The following FAF1 variants were observed in gnomAD, a reference collection of about 807,000 sequenced individuals.
FAF1 encodes Fas associated factor 1, also known as FAS-associated factor 1.
In FAF1, 25 loss-of-function variants were observed where a neutral mutation model predicts 92.5. The ratio of observed to expected loss-of-function variants is 0.27; its 90% CI spans 0.20 to 0.38. The LOEUF (loss-of-function observed/expected upper bound fraction) is 0.38, where lower values mean the gene tolerates loss of function less well. FAF1 is among the 10% of genes least tolerant of loss of function. FAF1 has a pLI of 1.00. For missense variants in FAF1, 636 were observed against 793.3 expected (o/e 0.80, Z 2.38); for synonymous variants, 234 against 273.2 (o/e 0.86, Z 1.42).
At chr1:50,829,928 T>G (rs1644137140) in intron 2 of FAF1, among the ~76,000 whole-genome samples, 1 of 152,218 alleles carries the variant, frequency 6.6e-6, no homozygotes, top group Admixed American at 6.5e-5. Context: ...AATAATGGTT[T>G]GGTAATTAGA....
intron 1 of FAF1, among the ~76,000 whole-genome samples, chr1:50,876,769 A>T (rs957391442): frequency 1.3e-5 from 2 of 152,108 alleles, no homozygotes; most frequent in African/African-American, 4.8e-5. Flanking sequence ...TTTTTAGTAG[A>T]GATGGGGTTT....
At chr1:50,872,077 A>G (rs560745908) in intron 1 of FAF1, among the ~76,000 whole-genome samples, 72 of 152,018 alleles carry the variant, frequency 4.7e-4, no homozygotes, top group African/African-American at 1.6e-3. Flanking sequence ...AAAAAAAAAA[A>G]AAAAAGAAAA....
intron 8 of FAF1, among the ~76,000 whole-genome samples, chr1:50,615,575 G>A (rs11205742): frequency 0.072 from 10,936 of 152,198 alleles, 429 homozygotes; most frequent in African/African-American, 0.1. Flanking sequence ...TTTGTCTGGT[G>A]TGAGATGGTA....
At chr1:50,782,874 C>T (rs954827811) in intron 4 of FAF1, among the ~76,000 whole-genome samples, 1 of 151,870 alleles carries the variant, frequency 6.6e-6, no homozygotes, top group Admixed American at 6.5e-5. Flanking sequence ...TTGAGAGCAA[C>T]TTCCAGTACT....
chr1:50,801,823 A>G, intron 2 of FAF1, 146 bp from the exon 3 acceptor site: 2 of 557,144 alleles, frequency 3.6e-6, no homozygotes, highest in South Asian at 5.2e-5. Flanking sequence ...AATGTTGTCT[A>G]TTAAATGTTT....
rs144699454 is a variant in FAF1 at position 50,959,621 on chromosome 1, C to CCA, written c.45+144_45+145dup. 619 of 506,518 alleles carry CCA rather than the reference C, an allele frequency of 1.2e-3. 1 individual carries two copies. Among genetic ancestry groups the CCA allele is most frequent in the Middle Eastern group, 8.2e-3 (26 of 3,158 alleles). The allele number at this position is 506,518 out of a possible 1,614,324, so 31.4% of individuals were successfully genotyped here. A position where few individuals can be genotyped will look rare whatever the true frequency, so the allele number is the denominator to read the frequency against. ...AAATTATACGCTTCTCCATAGCTCGCCACACACACACACACACGCCACGCA... is the reference window on the plus strand; with the variant it reads ...AAATTATACGCTTCTCCATAGCTCGCCACACACACACACACACACGCCACGCA... On this transcript the variant is annotated intron_variant, in intron 1 of 18. Coordinates refer to ENST00000396153, the MANE Select transcript of FAF1 (RefSeq NM_007051.3).
intron 1 of FAF1, among the ~76,000 whole-genome samples, chr1:50,871,138 T>G (rs1206337557): frequency 2.6e-5 from 4 of 152,226 alleles, no homozygotes; most frequent in Non-Finnish European, 5.9e-5. Context: ...GGACCAAACT[T>G]GCTTACATTC....
At chr1:50,769,760 C>G (rs1038254182) in intron 4 of FAF1, among the ~76,000 whole-genome samples, 2 of 152,064 alleles carry the variant, frequency 1.3e-5, no homozygotes, top group African/African-American at 2.4e-5. Context: ...ACGTTAAAAA[C>G]CCTCAACAGG....
chr1:50,663,184 G>GA (rs1028507336), intron 7 of FAF1, among the ~76,000 whole-genome samples: 13 of 150,954 alleles, frequency 8.6e-5, no homozygotes, highest in Admixed American at 3.3e-4. Context: ...GATTATAACT[G>GA]AAAAAAAAGG....
At chr1:50,736,488 G>A (rs1342419201) in intron 6 of FAF1, among the ~76,000 whole-genome samples, 3 of 152,148 alleles carry the variant, frequency 2.0e-5, no homozygotes, top group East Asian at 1.9e-4. Context: ...AGTGGCTCAC[G>A]CCTGTAATCC....
At chr1:50,576,710 A>G (rs1558001629) in intron 12 of FAF1, among the ~76,000 whole-genome samples, 1 of 150,070 alleles carries the variant, frequency 6.7e-6, no homozygotes, top group Non-Finnish European at 1.5e-5. Flanking sequence ...TGGCACAAAC[A>G]TGGCTCACTG....
chr1:50,855,326 TTTATTAGATTTTTTTTAAG>T (rs1236193257), intron 2 of FAF1, among the ~76,000 whole-genome samples: 1 of 151,740 alleles, frequency 6.6e-6, no homozygotes, highest in Non-Finnish European at 1.5e-5. Flanking sequence ...AATGTGTTTT[TTTATTAGATTTTTTTTAAG>T]TTCATCACAA....
intron 7 of FAF1, among the ~76,000 whole-genome samples, chr1:50,685,977 C>T (rs1656639781): frequency 6.6e-6 from 1 of 152,170 alleles, no homozygotes; most frequent in Non-Finnish European, 1.5e-5. Context: ...TCCTAACAGG[C>T]TAATTAATAT....
intron 7 of FAF1, among the ~76,000 whole-genome samples, chr1:50,700,022 T>A (rs1338497424): frequency 3.3e-5 from 5 of 152,082 alleles, no homozygotes; most frequent in Non-Finnish European, 7.4e-5. Flanking sequence ...GGTGCTTAAA[T>A]AGCGCACTTT....
At chr1:50,462,517 A>C (rs1329143889) in intron 18 of FAF1, among the ~76,000 whole-genome samples, 1 of 152,214 alleles carries the variant, frequency 6.6e-6, no homozygotes, top group Non-Finnish European at 1.5e-5. Flanking sequence ...AGAAAAATAA[A>C]TATCAACAAC....
chr1:50,851,780 A>G (rs1444994840), intron 2 of FAF1, among the ~76,000 whole-genome samples: 1 of 152,242 alleles, frequency 6.6e-6, no homozygotes, highest in Non-Finnish European at 1.5e-5. Flanking sequence ...TGTAAAAATA[A>G]GCAGAAGGTA....
At chr1:50,675,807 A>G in intron 7 of FAF1, among the ~76,000 whole-genome samples, 1 of 152,340 alleles carries the variant, frequency 6.6e-6, no homozygotes, top group East Asian at 1.9e-4. Context: ...TGTTTATGAT[A>G]CAATGTGATA....
At chr1:50,491,574 C>T in intron 16 of FAF1, 147 bp downstream of exon 16, 1 of 563,594 alleles carries the variant, frequency 1.8e-6, no homozygotes, top group South Asian at 3.0e-5. Context: ...CTTTAATAAC[C>T]ATGGATAGGA....
chr1:50,641,540 TA>T (rs201892383), intron 8 of FAF1, among the ~76,000 whole-genome samples: 1,692 of 152,336 alleles, frequency 0.011, 22 homozygotes, highest in Non-Finnish European at 0.015. Flanking sequence ...TGGTTAGTGA[TA>T]ATATTAATTA....
Sources: gnomAD v4.1 joint callset for allele counts (sites outside exome capture counted in the v4.1 genomes callset) on GRCh38, gnomAD v4.1.1 for gene constraint, MANE v1.5 for transcripts, NCBI Gene and HGNC (gene_info 2026-07-23, HGNC 2026-07-21) for gene names.